The following LIMK1 variants were observed in gnomAD, a reference collection of about 807,000 sequenced individuals.
LIMK1 encodes LIM domain kinase 1.
In LIMK1, 21 loss-of-function variants were observed where a neutral mutation model predicts 77.6. The ratio of observed to expected loss-of-function variants is 0.27; its 90% CI spans 0.19 to 0.39. LIMK1 has a LOEUF of 0.39. Among genes scored for constraint, LIMK1 ranks in the 10% least tolerant of loss-of-function variants. The pLI, the probability that LIMK1 is intolerant of heterozygous loss-of-function variation, is 1.00. For missense variants in LIMK1, 696 were observed against 901.6 expected (o/e 0.77, Z 2.92); for synonymous variants, 358 against 370.0 (o/e 0.97, Z 0.37).
Position 74,099,231 on chromosome 7 carries a change from G to A in LIMK1, c.601G>A (p.Val201Ile), listed in dbSNP as rs782691662. ...CGTEHSHTVR[V>I]QGVDPGCMSP... The stretch of plus-strand genomic sequence containing the variant: ...CACCGAGCACTCACACACCGTCCGC[G>A]TCCAGGGGTGAGTGGCCGGCCTGCC... Residue 201 changes from valine (V) to isoleucine (I), a missense_variant, in exon 5 of 16, where the codon GTC (valine) becomes ATC (isoleucine). Val to Ile is a conservative substitution (Grantham distance 29). Transcript: ENST00000336180. 3.1e-6 allele frequency: 5 copies of A among 1,604,034 alleles called. No homozygotes were observed. The highest frequency in any genetic ancestry group is 2.2e-5 in the East Asian group (1 of 44,860).
In LIMK1 at chr7:74,111,639, C is replaced by T; in HGVS notation, c.1285-9C>T. 1 of 1,611,124 alleles carries T rather than the reference C, an allele frequency of 6.2e-7. No homozygotes were observed. The highest frequency in any genetic ancestry group is 8.5e-7 in the Non-Finnish European group (1 of 1,178,686). ...CGGCCCCACCCTGGCCATTCTTTCT[C>T]CATCCCAGGACAGCCAGTACCCATG... On this transcript the variant is annotated splice_polypyrimidine_tract_variant and intron_variant, in intron 10 of 15. Coordinates refer to ENST00000336180, the MANE Select transcript of LIMK1 (RefSeq NM_002314.4).
chr7:74,098,204 T>G (rs1799374022), intron 4 of LIMK1, among the ~76,000 whole-genome samples: 1 of 152,188 alleles, frequency 6.6e-6, no homozygotes, highest in Non-Finnish European at 1.5e-5. Flanking sequence ...ACATGATGTA[T>G]CTTTGCGGGG....
At chr7:74,119,388 A>G (rs538136751) in intron 13 of LIMK1, among the ~76,000 whole-genome samples, 3 of 141,208 alleles carry the variant, frequency 2.1e-5, no homozygotes, top group Admixed American at 1.5e-4. Context: ...CATGTTGGCC[A>G]GGCTGATCTT....
chr7:74,120,564 A>T lies in LIMK1; in HGVS notation c.1568-19A>T, dbSNP rs1296561834. On this transcript the variant is annotated intron_variant, in intron 13 of 15. Coordinates refer to ENST00000336180, the MANE Select transcript of LIMK1 (RefSeq NM_002314.4). ...CACCCCCATGTGTTCATCTGCTGAC[A>T]GTCGGTCTCTTTATCCAGGCCGCAG... The T allele has an allele frequency of 6.2e-7, 1 of 1,613,890 alleles. No individual in the cohort carries two copies. The highest frequency in any genetic ancestry group is 1.3e-5 in the African/African-American group (1 of 74,930).
intron 5 of LIMK1, 73 bp from the exon 6 acceptor site, chr7:74,105,802 C>T (rs1799557230): frequency 3.9e-6 from 4 of 1,016,380 alleles, no homozygotes; most frequent in African/African-American, 1.6e-5. Flanking sequence ...GGATCTGGTG[C>T]CCTTCGCCTT....
Position 74,095,484 on chromosome 7 carries a change from G to A in LIMK1, c.153-1138G>A, listed in dbSNP as rs375714316. Among the ~76,000 whole-genome samples, 16 of 152,262 alleles carry A rather than the reference G, an allele frequency of 1.1e-4. No homozygotes were observed. The East Asian group carries it at 1.2e-3, about 11-fold the overall frequency. ...TGCAGTGGTGTAATCATAGCACACT[G>A]CAGCCTTCAACTCCTGGGCTCAAGC... is the stretch of plus-strand genomic sequence containing the variant. On this transcript the variant is annotated intron_variant, in intron 2 of 15. Coordinates refer to ENST00000336180, the MANE Select transcript of LIMK1 (RefSeq NM_002314.4).
At chr7:74,118,377 A>AACACACACACACACACACAC (rs57707215) in intron 13 of LIMK1, among the ~76,000 whole-genome samples, 1 of 130,046 alleles carries the variant, frequency 7.7e-6, no homozygotes, top group Non-Finnish European at 1.6e-5. Flanking sequence ...CTCTGTGTCA[A>AACACACACACACACACACAC]ACACACACAC....
Position 74,098,955 on chromosome 7 carries a change from G to A in LIMK1, c.402-77G>A, listed in dbSNP as rs573656974. ...AGGAAGGGATTGGGGGAAGAGCCTGGGGCTGGGGGCTGCAGAGATGCTGAA... is the reference window on the plus strand; with the variant it reads ...AGGAAGGGATTGGGGGAAGAGCCTGAGGCTGGGGGCTGCAGAGATGCTGAA... On this transcript the variant is annotated intron_variant, in intron 4 of 15. Transcript: ENST00000336180. 13 of 1,220,234 alleles carry A rather than the reference G, an allele frequency of 1.1e-5. No homozygotes were observed. The East Asian group carries it at 2.6e-4, about 24-fold the overall frequency. 75.6% of individuals were successfully genotyped at this position (1,220,234 alleles called of 1,614,324 possible).
chr7:74,114,058 C>G (rs2115740484), intron 12 of LIMK1, among the ~76,000 whole-genome samples: 1 of 152,150 alleles, frequency 6.6e-6, no homozygotes, highest in Middle Eastern at 3.4e-3. Context: ...CAAGACCAGC[C>G]TCACCAACAC....
intron 2 of LIMK1, among the ~76,000 whole-genome samples, chr7:74,092,235 G>A (rs1407625752): frequency 6.6e-6 from 1 of 152,100 alleles, no homozygotes; most frequent in Non-Finnish European, 1.5e-5. Flanking sequence ...CAAAGTGCTG[G>A]GGTTACAGGC....
At chr7:74,096,144 T>C (rs1375800487) in intron 2 of LIMK1, among the ~76,000 whole-genome samples, 1 of 151,576 alleles carries the variant, frequency 6.6e-6, no homozygotes, top group Non-Finnish European at 1.5e-5. Context: ...TTTGTATTTT[T>C]AGTGGAGACT....
At chr7:74,120,468 T>TCCTGGG in intron 13 of LIMK1, 115 bp from the exon 14 acceptor site, 1 of 1,103,740 alleles carries the variant, frequency 9.1e-7, no homozygotes, top group South Asian at 1.3e-5. Context: ...GGCATCTGCC[T>TCCTGGG]CCTGGGCCTG....
intron 13 of LIMK1, among the ~76,000 whole-genome samples, chr7:74,116,884 T>C (rs1799824254): frequency 6.6e-6 from 1 of 151,530 alleles, no homozygotes; most frequent in Admixed American, 6.6e-5. Context: ...TTATTTTTTA[T>C]TTTTTATTTT....
chr7:74,084,184 GCCCCTCCCTGTC>G, intron 1 of LIMK1, 139 bp downstream of exon 1: 1 of 338,596 alleles, frequency 3.0e-6, no homozygotes, highest in East Asian at 4.6e-5. Flanking sequence ...AAGCCCGCAG[GCCCCTCCCTGTC>G]CCCCTCCCGC....
At chr7:74,103,544 T>C (rs1799509666) in intron 5 of LIMK1, among the ~76,000 whole-genome samples, 1 of 152,198 alleles carries the variant, frequency 6.6e-6, no homozygotes, top group Admixed American at 6.5e-5. Flanking sequence ...TCACTTTGAT[T>C]ACTTGTTTTT....
intron 1 of LIMK1, among the ~76,000 whole-genome samples, chr7:74,084,366 C>T (rs1799090868): frequency 6.6e-6 from 1 of 152,166 alleles, no homozygotes; most frequent in Non-Finnish European, 1.5e-5. Flanking sequence ...ACCCGGGCCT[C>T]GCCCTGGGGC....
intron 2 of LIMK1, chr7:74,093,295 G>T: frequency 6.5e-7 from 1 of 1,535,952 alleles, no homozygotes; most frequent in Non-Finnish European, 8.7e-7. Flanking sequence ...CCTCCAGAGG[G>T]CTAAGTAAGT....
At chr7:74,118,128 G>A (rs1481387140) in intron 13 of LIMK1, among the ~76,000 whole-genome samples, 1 of 151,408 alleles carries the variant, frequency 6.6e-6, no homozygotes, top group Non-Finnish European at 1.5e-5. Context: ...TGTAATCCCA[G>A]CACTTTGGGA....
chr7:74,113,219 G>C (rs1799739260), intron 12 of LIMK1, among the ~76,000 whole-genome samples: 1 of 152,264 alleles, frequency 6.6e-6, no homozygotes, highest in Non-Finnish European at 1.5e-5. Context: ...AACTACCTGG[G>C]AGGCTGAGGT....
Sources: gnomAD v4.1 joint callset for allele counts (sites outside exome capture counted in the v4.1 genomes callset) on GRCh38, gnomAD v4.1.1 for gene constraint, MANE v1.5 for transcripts, NCBI Gene and HGNC (gene_info 2026-07-23, HGNC 2026-07-21) for gene names.